The following MTAP variants were observed in gnomAD, a reference collection of about 807,000 sequenced individuals.
MTAP encodes methylthioadenosine phosphorylase, also known as S-methyl-5'-thioadenosine phosphorylase.
A neutral mutation model predicts 33.6 loss-of-function variants in MTAP; 33 were observed. That is an observed-to-expected ratio of 0.98 (90% CI 0.74 to 1.31). The LOEUF is 1.31. MTAP is among the 40% of genes most tolerant of loss of function. The pLI, the probability that MTAP is intolerant of heterozygous loss-of-function variation, is 0.00. For missense variants in MTAP, 367 were observed against 360.0 expected, an observed-to-expected ratio of 1.02 and a Z score of -0.16; for synonymous variants, 148 against 125.7, an observed-to-expected ratio of 1.18 and a Z score of -1.19.
At chr9:21,929,971 C>T in intron 1 of MTAP, 1 of 419,912 alleles carries the variant, frequency 2.4e-6, no homozygotes. Flanking sequence ...AACCAAGATT[C>T]CCCAAACCTT....
At chr9:21,846,285 C>T (rs896863560) in intron 5 of MTAP, among the ~76,000 whole-genome samples, 5 of 152,188 alleles carry the variant, frequency 3.3e-5, no homozygotes, top group East Asian at 1.9e-4. Context: ...TAAAATGCTT[C>T]AGCACAACAA....
chr9:21,815,391 A>G, intron 1 of MTAP, 42 bp from the exon 2 acceptor site: 1 of 1,339,602 alleles, frequency 7.5e-7, no homozygotes, highest in Non-Finnish European at 1.0e-6. Flanking sequence ...TCTAATAAAA[A>G]TTACCAAATA....
rs76936435 is a variant in MTAP, at chr9:21,807,358, G to A, written c.33+4577G>A. Reference sequence around the variant, plus strand: ...GCTGTCTTGAGTGTGGCCTGCAAGGGCCTTCAGCCTGAGAGTCCTTGTGTG... The same window carrying A: ...GCTGTCTTGAGTGTGGCCTGCAAGGACCTTCAGCCTGAGAGTCCTTGTGTG... On this transcript the variant is annotated intron_variant, in intron 1 of 7. Coordinates refer to ENST00000644715, the MANE Select transcript of MTAP (RefSeq NM_002451.4). 4.6e-5 allele frequency among the ~76,000 whole-genome samples: 7 copies of A among 152,252 alleles called. No homozygotes were observed. In the East Asian group the frequency reaches 1.4e-3, roughly 29 times the overall value.
chr9:21,893,906 T>C (rs2118761178), intron 1 of MTAP: 1 of 146,312 alleles, frequency 6.8e-6, no homozygotes. Context: ...ACTTATTCTA[T>C]AAGGCTAGCA....
In MTAP at chr9:21,863,102, T is replaced by C; in HGVS notation, c.*1088T>C. ...GAACAGTACTTGGGTTTGCAACAGCTTTCTGAGAAAAGCTAGGTGTTTAAT... is the reference window on the plus strand; with the variant it reads ...GAACAGTACTTGGGTTTGCAACAGCCTTCTGAGAAAAGCTAGGTGTTTAAT... On this transcript the variant is annotated 3_prime_UTR_variant, in exon 8 of 8. Coordinates refer to ENST00000644715, the MANE Select transcript of MTAP (RefSeq NM_002451.4). 1 of 984,960 alleles carries C rather than the reference T, an allele frequency of 1.0e-6. No individual in the cohort carries two copies. The highest frequency in any genetic ancestry group is 1.2e-6 in the Non-Finnish European group (1 of 829,548). The allele number at this position is 984,960 out of a possible 1,614,324, so 61.0% of individuals were successfully genotyped here.
intron 1 of MTAP, among the ~76,000 whole-genome samples, chr9:21,877,264 G>T (rs1285261095): frequency 6.6e-6 from 1 of 152,044 alleles, no homozygotes; most frequent in Admixed American, 6.6e-5. Flanking sequence ...TTTGGGCTGA[G>T]ACTGGGGTTT....
chr9:21,926,909 A>G (rs957030811), intron 1 of MTAP, among the ~76,000 whole-genome samples: 1 of 152,188 alleles, frequency 6.6e-6, no homozygotes, highest in African/African-American at 2.4e-5. Context: ...CCATCCTTAG[A>G]ATACCTACCC....
rs539103084 is a variant in MTAP at position 21,925,240 on chromosome 9, A to C, written c.148-5768A>C. 1.3e-4 allele frequency among the ~76,000 whole-genome samples: 20 copies of C among 152,334 alleles called. No homozygotes were observed. The South Asian group carries it at 4.1e-3, about 32-fold the overall frequency. On this transcript the variant is annotated intron_variant, in intron 1 of 1. Transcript: ENST00000577563. Reference sequence around the variant, plus strand: ...CTCTTGGAAACCCCACCACTTTCCTAGAGAGGCTACAAGAGGCCCTGGTGA... The same window carrying C: ...CTCTTGGAAACCCCACCACTTTCCTCGAGAGGCTACAAGAGGCCCTGGTGA...
At chr9:21,803,561 C>T (rs538125864) in intron 1 of MTAP, among the ~76,000 whole-genome samples, 1 of 152,232 alleles carries the variant, frequency 6.6e-6, no homozygotes, top group African/African-American at 2.4e-5. Context: ...CGGTGGGAAG[C>T]TTTGTGCTGA....
intron 1 of MTAP, among the ~76,000 whole-genome samples, chr9:21,881,335 A>G (rs549378319): frequency 1.6e-4 from 24 of 152,188 alleles, no homozygotes; most frequent in African/African-American, 5.3e-4. Context: ...GGAAAGATTT[A>G]TGATATTAAA....
At chr9:21,802,833 GC>G in intron 1 of MTAP, 52 bp downstream of exon 1, 1 of 1,605,546 alleles carries the variant, frequency 6.2e-7, no homozygotes, top group Non-Finnish European at 8.5e-7. Flanking sequence ...ATGCCTTCTC[GC>G]CCCCGCGCCG....
rs574835191 is a variant in MTAP, at chr9:21,821,728, G to T, written c.347+3526G>T. ...CCAGCTCCTCCTTGTACCTCTGGTA[G>T]AATTCGGCTGTGAATCCATCTGGTC... On this transcript the variant is annotated intron_variant, in intron 4 of 7. Transcript: ENST00000644715. Among the ~76,000 whole-genome samples, 279 of 152,292 alleles carry T rather than the reference G, an allele frequency of 1.8e-3. 1 individual carries two copies. Among genetic ancestry groups the T allele is most frequent in the African/African-American group, 6.5e-3 (270 of 41,542 alleles).
chr9:21,841,881 C>A (rs868668571), intron 5 of MTAP, among the ~76,000 whole-genome samples: 1 of 152,058 alleles, frequency 6.6e-6, no homozygotes, highest in Non-Finnish European at 1.5e-5. Context: ...CTGTAACACC[C>A]CCAAAAGATC....
At chr9:21,841,837 A>T (rs1241918775) in intron 5 of MTAP, among the ~76,000 whole-genome samples, 3 of 152,336 alleles carry the variant, frequency 2.0e-5, no homozygotes, top group Middle Eastern at 3.4e-3. Context: ...AAGGAACCAG[A>T]AAAGCAATTC....
Position 21,859,323 on chromosome 9 carries a change from A to T in MTAP, c.711A>T (p.Leu237Phe). ...HEEAVSVDRV[L>F]KTLKENANKA... ...TCTAGGTTTCGGTGGACCGGGTCTT[A>T]AAGACCCTGAAAGAAAACGCTAATA... is the stretch of plus-strand genomic sequence containing the variant. Residue 237 changes from leucine to phenylalanine, a missense_variant, in exon 7 of 8, where the codon TTA (leucine) becomes TTT (phenylalanine). Leu to Phe is a conservative substitution (Grantham distance 22). Coordinates refer to ENST00000644715, the MANE Select transcript of MTAP (RefSeq NM_002451.4). The T allele has an allele frequency of 6.2e-7, 1 of 1,613,050 alleles. No homozygotes were observed. Among genetic ancestry groups the T allele is most frequent in the Non-Finnish European group, 8.5e-7 (1 of 1,179,536 alleles).
chr9:21,840,495 A>G lies in MTAP; in HGVS notation c.450+2485A>G, dbSNP rs140875984. ...CTGGGGAAATCTAAAAATCCAGATC[A>G]TGGAGGAAGAATTTAACCTTACCTA... is the stretch of plus-strand genomic sequence containing the variant. On this transcript the variant is annotated intron_variant, in intron 5 of 7. Transcript: ENST00000644715. 1.7e-3 allele frequency among the ~76,000 whole-genome samples: 265 copies of G among 152,318 alleles called. 3 individuals are homozygous for G. Among genetic ancestry groups the G allele is most frequent in the African/African-American group, 6.0e-3 (248 of 41,580 alleles).
At chr9:21,809,344 A>C (rs1471627207) in intron 1 of MTAP, among the ~76,000 whole-genome samples, 1 of 152,104 alleles carries the variant, frequency 6.6e-6, no homozygotes, top group Non-Finnish European at 1.5e-5. Flanking sequence ...CGTTTTAAAA[A>C]TTTATGGTCT....
intron 5 of MTAP, among the ~76,000 whole-genome samples, chr9:21,854,164 A>T (rs1175140829): frequency 6.6e-6 from 1 of 152,262 alleles, no homozygotes; most frequent in African/African-American, 2.4e-5. Flanking sequence ...CTGTATTTTT[A>T]AAAGTAATGA....
chr9:21,881,486 C>A (rs1248076957), intron 1 of MTAP, among the ~76,000 whole-genome samples: 1 of 151,904 alleles, frequency 6.6e-6, no homozygotes, highest in Non-Finnish European at 1.5e-5. Context: ...ACTTGCAAAC[C>A]ATATATCTGA....
Sources: allele counts gnomAD v4.1 joint callset (sites outside exome capture counted in the v4.1 genomes callset), GRCh38; gene constraint gnomAD v4.1.1; transcripts MANE v1.5; gene names NCBI Gene and HGNC (gene_info 2026-07-23, HGNC 2026-07-21).